HACD4: variants seen among roughly 807,000 people sequenced by gnomAD.
The protein encoded by HACD4 is 3-hydroxyacyl-CoA dehydratase 4, also known as very-long-chain (3R)-3-hydroxyacyl-CoA dehydratase 4.
A neutral mutation model predicts 33.3 loss-of-function variants in HACD4; 35 were observed. The observed-to-expected ratio is 1.05, with a 90% CI of 0.80 to 1.39. The LOEUF is 1.39. HACD4 is among the 40% of genes most tolerant of loss of function. HACD4 has a pLI of 0.00. For synonymous variants in HACD4, 118 were observed against 98.0 expected (o/e 1.20, Z -1.21); for missense variants, 323 against 276.5 (o/e 1.17, Z -1.19).
At chr9:21,026,802 T>C (rs1036677944) in intron 2 of HACD4, 79 bp from the exon 3 acceptor site, 12 of 1,105,366 alleles carry the variant, frequency 1.1e-5, no homozygotes, top group Non-Finnish European at 1.6e-5. Context: ...CACTTTGAAG[T>C]CAAATGGAGA....
chr9:21,029,190 A>C (rs1818141147), intron 2 of HACD4, 105 bp downstream of exon 2: 1 of 642,678 alleles, frequency 1.6e-6, no homozygotes, highest in Admixed American at 3.2e-5. Flanking sequence ...CAAATTTTAG[A>C]GAAGGATATT....
chr9:21,014,004 G>A (rs10964794), intron 4 of HACD4, among the ~76,000 whole-genome samples: 20,758 of 152,034 alleles, frequency 0.14, 1,627 homozygotes, highest in East Asian at 0.34. Context: ...GGATGCCCTT[G>A]TCTTGTTCCT....
At position 21,011,605 on chromosome 9, in the gene HACD4, C is replaced by A; in HGVS notation, c.474G>T (p.Leu158Phe). The A allele has an allele frequency of 1.9e-6, 3 of 1,605,624 alleles. No individual in the cohort carries two copies. Among genetic ancestry groups the A allele is most frequent in the South Asian group, 1.1e-5 (1 of 90,804 alleles). The change falls in exon 5 of 7, where the codon TTG (leucine) becomes TTT (phenylalanine). Residue 158 changes from leucine to phenylalanine, a missense_variant. Leu to Phe is a conservative substitution (Grantham distance 22). Transcript: ENST00000495827. Reference sequence around the variant, plus strand: ...TTTTCTTACCTTCAGCAAGAACACACAAAGGATAAATTGGCATCCATAGTG... The same window carrying A: ...TTTTCTTACCTTCAGCAAGAACACAAAAAGGATAAATTGGCATCCATAGTG... The part of the protein sequence containing the change: ...SQTLWMPIYP[L>F]CVLAEAFAIY...
intron 1 of HACD4, among the ~76,000 whole-genome samples, chr9:21,030,495 G>A (rs1818183320): frequency 6.6e-6 from 1 of 152,110 alleles, no homozygotes; most frequent in Non-Finnish European, 1.5e-5. Flanking sequence ...AAAAATCCAT[G>A]TGTGCAGAGT....
intron 3 of HACD4, among the ~76,000 whole-genome samples, chr9:21,022,953 G>A (rs1041845799): frequency 2.5e-4 from 38 of 151,970 alleles, no homozygotes; most frequent in African/African-American, 9.2e-4. Flanking sequence ...CAATAGCAAA[G>A]ACTTGGAACC....
At chr9:21,009,628 T>C (rs750130923) in intron 5 of HACD4, among the ~76,000 whole-genome samples, 5 of 152,184 alleles carry the variant, frequency 3.3e-5, no homozygotes, top group Non-Finnish European at 5.9e-5. Flanking sequence ...TGTGGAATGA[T>C]TAAATCAAGC....
At position 21,004,809 on chromosome 9, in the gene HACD4, C is replaced by CAGAT. The variant is rs377499340; in HGVS notation, c.*2224_*2227dup. The CAGAT allele has an allele frequency of 6.6e-6, 1 of 152,086 alleles. No individual in the cohort carries two copies. The highest frequency in any genetic ancestry group is 6.5e-5 in the Admixed American group (1 of 15,270). 9.4% of individuals were successfully genotyped at this position (152,086 alleles called of 1,614,324 possible). ...TGGAAGCAGCTTTGACGTTAGGTAA[C>CAGAT]AGATAGAAGCTGGAAGAGTTTTGAG... On this transcript the variant is annotated 3_prime_UTR_variant, in exon 7 of 7. Transcript: ENST00000495827. This position sits in a 1 kb window ranked among gnomAD's most constrained non-coding sequence, Gnocchi z 4.6.
Position 21,002,068 on chromosome 9 carries a change from G to T in HACD4, c.*4969C>A, listed in dbSNP as rs1339822567. 2 of 152,084 alleles carry T rather than the reference G, an allele frequency of 1.3e-5. No homozygotes were observed. The highest frequency in any genetic ancestry group is 6.6e-5 in the Admixed American group (1 of 15,262). The allele number at this position is 152,084 out of a possible 1,614,324, so 9.4% of individuals were successfully genotyped here. On this transcript the variant is annotated 3_prime_UTR_variant, in exon 7 of 7. Coordinates refer to ENST00000495827, the MANE Select transcript of HACD4 (RefSeq NM_001010915.5). ...TAAAAATTGATTTTGGACACACAGT[G>T]TATATAATTTTGTGAAACTTAAAGG...
At position 21,026,737 on chromosome 9, in the gene HACD4, G is replaced by A; in HGVS notation, c.143-14C>T. 6.2e-7 allele frequency: 1 copy of A among 1,608,498 alleles called. No homozygotes were observed. The highest frequency in any genetic ancestry group is 8.5e-7 in the Non-Finnish European group (1 of 1,177,424). The stretch of plus-strand genomic sequence containing the variant: ...CAACCATTGAATCTGTATCCCGTGG[G>A]TTAAAAATGCAGATATAGGAAGAAA... On this transcript the variant is annotated splice_polypyrimidine_tract_variant and intron_variant, in intron 2 of 6. Transcript: ENST00000495827.
rs1353043927 is a variant in HACD4 at position 21,010,456 on chromosome 9, A to ATCCCCCCCCCCC, written c.490+1132_490+1133insGGGGGGGGGGGA. 2.9e-5 allele frequency among the ~76,000 whole-genome samples: 3 copies of ATCCCCCCCCCCC among 104,992 alleles called. 1 individual carries two copies. The highest frequency in any genetic ancestry group is 1.3e-4 in the African/African-American group (3 of 22,572). 68.9% of individuals were successfully genotyped at this position (104,992 alleles called of 152,430 possible). A position where few individuals can be genotyped will look rare whatever the true frequency, so the allele number is the denominator to read the frequency against. ...AAGAAACAGACTCAGACATCCTGGTACCCCCCCCCCCCCCAGAGCTTACAG... is the reference window on the plus strand; with the variant it reads ...AAGAAACAGACTCAGACATCCTGGTATCCCCCCCCCCCCCCCCCCCCCCCCCAGAGCTTACAG... On this transcript the variant is annotated intron_variant, in intron 5 of 6. Coordinates refer to ENST00000495827, the MANE Select transcript of HACD4 (RefSeq NM_001010915.5).
chr9:21,012,110 T>A (rs1330105307), intron 4 of HACD4, among the ~76,000 whole-genome samples: 4 of 152,222 alleles, frequency 2.6e-5, no homozygotes, highest in Non-Finnish European at 5.9e-5. Context: ...TTATTTGGCA[T>A]CCTTCTGCTT....
chr9:21,002,706 A>ATATT lies in HACD4; in HGVS notation c.*4327_*4330dup, dbSNP rs1842185901. Reference sequence around the variant, plus strand: ...CACACTTAAAAAGGAATAAGATAGTATATTTTACATTTTACCACAATAAAA... The same window carrying ATATT: ...CACACTTAAAAAGGAATAAGATAGTATATTTATTTTACATTTTACCACAATAAAA... On this transcript the variant is annotated 3_prime_UTR_variant, in exon 7 of 7. Coordinates refer to ENST00000495827, the MANE Select transcript of HACD4 (RefSeq NM_001010915.5). 6.6e-6 allele frequency: 1 copy of ATATT among 152,176 alleles called. No homozygotes were observed. Among genetic ancestry groups the ATATT allele is most frequent in the African/African-American group, 2.4e-5 (1 of 41,450 alleles). 9.4% of individuals were successfully genotyped at this position (152,176 alleles called of 1,614,324 possible). A position where few individuals can be genotyped will look rare whatever the true frequency, so the allele number is the denominator to read the frequency against.
chr9:21,030,189 C>G (rs1818172566), intron 1 of HACD4, among the ~76,000 whole-genome samples: 1 of 151,156 alleles, frequency 6.6e-6, no homozygotes, highest in Non-Finnish European at 1.5e-5. Context: ...GCATGTAATC[C>G]CAGCACTTTG....
intron 3 of HACD4, among the ~76,000 whole-genome samples, chr9:21,022,751 C>T (rs974149888): frequency 1.1e-4 from 16 of 151,556 alleles, no homozygotes; most frequent in Non-Finnish European, 2.1e-4. Context: ...GAAATAGGAA[C>T]ACTTTTACAC....
At chr9:21,025,405 A>C (rs1360498249) in intron 3 of HACD4, among the ~76,000 whole-genome samples, 1 of 93,804 alleles carries the variant, frequency 1.1e-5, no homozygotes, top group Non-Finnish European at 2.7e-5. Context: ...TAAAGTGTAC[A>C]TTTACATTCT....
intron 5 of HACD4, among the ~76,000 whole-genome samples, chr9:21,008,591 A>G (rs1354908913): frequency 4.6e-5 from 7 of 152,126 alleles, no homozygotes; most frequent in Admixed American, 3.3e-4. Context: ...CCTTTCCTCA[A>G]TGTAACTGGC....
In HACD4 at chr9:21,003,900, T is replaced by G. The variant is rs983188853; in HGVS notation, c.*3137A>C. 6.6e-6 allele frequency: 1 copy of G among 152,310 alleles called. No individual in the cohort carries two copies. The highest frequency in any genetic ancestry group is 6.5e-5 in the Admixed American group (1 of 15,294). The allele number at this position is 152,310 out of a possible 1,614,324, so 9.4% of individuals were successfully genotyped here. On this transcript the variant is annotated 3_prime_UTR_variant, in exon 7 of 7. Coordinates refer to ENST00000495827, the MANE Select transcript of HACD4 (RefSeq NM_001010915.5). ...TCCTTTTTAAAAAGTACTTAGTATA[T>G]TTTTATACCTTTTATCTTCCTGTAT...
chr9:21,016,980 CCTT>C (rs1842571363), intron 3 of HACD4, among the ~76,000 whole-genome samples: 2 of 151,780 alleles, frequency 1.3e-5, no homozygotes, highest in Admixed American at 6.6e-5. Context: ...ATATAAAGTG[CCTT>C]CTTATGTTAT....
At chr9:21,007,171 G>A in intron 6 of HACD4, 52 bp from the exon 7 acceptor site, 1 of 942,484 alleles carries the variant, frequency 1.1e-6, no homozygotes, top group East Asian at 2.4e-5. Flanking sequence ...TATTTCTCTG[G>A]AAGAAACAAT....
Sources: allele counts gnomAD v4.1 joint callset (sites outside exome capture counted in the v4.1 genomes callset), GRCh38; gene constraint gnomAD v4.1.1; non-coding constraint Gnocchi (gnomAD v3.1); transcripts MANE v1.5; gene names NCBI Gene and HGNC (gene_info 2026-07-23, HGNC 2026-07-21).